Variants in COL2A1 observed in about 807,000 individuals in gnomAD.
The protein encoded by COL2A1 is collagen alpha-1(II) chain.
Under a neutral mutation model 204.5 loss-of-function variants are expected in COL2A1, and 28 were observed. The observed-to-expected ratio is 0.14, with a 90% CI of 0.10 to 0.19. COL2A1 has a LOEUF of 0.19. Ranked by LOEUF, COL2A1 falls within the 10% of genes least tolerant of loss-of-function variation. The probability of loss-of-function intolerance (pLI) is 1.00; values close to 1 mark genes in which losing one functional copy is unlikely to be tolerated. For synonymous variants in COL2A1, 708 were observed against 718.7 expected, an observed-to-expected ratio of 0.99 and a Z score of 0.24; for missense variants, 1,388 against 2,027.5, an observed-to-expected ratio of 0.68 and a Z score of 6.06.
rs41317913 is a variant in COL2A1 at position 47,987,591 on chromosome 12, C to G, written c.1221+20G>C. 1,150 of 1,601,088 alleles carry G rather than the reference C, an allele frequency of 7.2e-4. 6 individuals are homozygous for G. In the African/African-American group the frequency reaches 0.014, roughly 19 times the overall value. ...CCACAGACCCCAGACCCCCCCAGGC[C>G]AAAGAGAAGCTGCACTTACGGAGGC... On this transcript the variant is annotated intron_variant, in intron 19 of 53. Coordinates refer to ENST00000380518, the MANE Select transcript of COL2A1 (RefSeq NM_001844.5). This position sits in a 1 kb window ranked among gnomAD's most constrained non-coding sequence, Gnocchi z 4.1.
At chr12:47,977,695 G>T (rs958473926) in intron 44 of COL2A1, 42 bp from the exon 45 acceptor site, 12 of 1,602,006 alleles carry the variant, frequency 7.5e-6, no homozygotes, top group Middle Eastern at 1.7e-4. Flanking sequence ...GCTGCTTCCT[G>T]CCCATCTCCC....
At chr12:47,993,287 ATGT>A (rs1175620672) in intron 15 of COL2A1, among the ~76,000 whole-genome samples, 168 bp downstream of exon 15, 5 of 152,206 alleles carry the variant, frequency 3.3e-5, no homozygotes, top group Admixed American at 6.5e-5. Flanking sequence ...TCTTAAGGAA[ATGT>A]TGGTGAAATC....
intron 34 of COL2A1, 93 bp from the exon 35 acceptor site, chr12:47,982,253 C>T (rs1397990177): frequency 5.3e-6 from 6 of 1,135,246 alleles, no homozygotes; most frequent in Middle Eastern, 2.1e-4. Flanking sequence ...TAGGGAAAGC[C>T]CAGTCCCTGC....
intron 2 of COL2A1, 77 bp from the exon 3 acceptor site, chr12:47,998,508 A>C (rs943094519): frequency 1.7e-5 from 24 of 1,436,594 alleles, no homozygotes; most frequent in Non-Finnish European, 2.2e-5. Context: ...TCACTCAAAC[A>C]CTCATTAGAT....
chr12:47,986,787 T>C, intron 22 of COL2A1, 48 bp downstream of exon 22: 1 of 1,609,098 alleles, frequency 6.2e-7, no homozygotes, highest in Non-Finnish European at 8.5e-7. Flanking sequence ...GGCCTGTGCC[T>C]CATAGAACAG....
In COL2A1 at chr12:47,974,475, A is replaced by G. The variant is rs1378684557; in HGVS notation, c.4075-144T>C. On this transcript the variant is annotated intron_variant, in intron 52 of 53. Coordinates refer to ENST00000380518, the MANE Select transcript of COL2A1 (RefSeq NM_001844.5). ...GAGCTAGTTGGACATTTTTGCTTCC[A>G]GGAGTGGAGCAAGCTCAGAGGACCT... The G allele has an allele frequency of 6.9e-6, 9 of 1,301,920 alleles. No individual in the cohort carries two copies. The East Asian group carries it at 1.7e-4, about 24-fold the overall frequency. 80.6% of individuals were successfully genotyped at this position (1,301,920 alleles called of 1,614,324 possible).
At chr12:47,999,648 T>G in intron 2 of COL2A1, 1 of 195,626 alleles carries the variant, frequency 5.1e-6, no homozygotes, top group Non-Finnish European at 1.0e-5. Context: ...TTTTTTTTTT[T>G]TTTTTGTAGA....
intron 52 of COL2A1, 114 bp from the exon 53 acceptor site, chr12:47,974,445 G>T: frequency 7.0e-7 from 1 of 1,437,578 alleles, no homozygotes; most frequent in Non-Finnish European, 9.5e-7. Flanking sequence ...TACTGGGGCA[G>T]CAGGGAGCTA....
chr12:47,997,909 G>C lies in COL2A1; in HGVS notation c.391C>G (p.Gln131Glu). Residue 131 changes from glutamine (Q) to glutamate (E), a missense_variant, in exon 6 of 54, where the codon CAA becomes GAA. Around this residue, in one of 3 missense-constraint regions of COL2A1, gnomAD observed 201 missense variants for 242.4 expected, o/e 0.83. Coordinates refer to ENST00000380518, the MANE Select transcript of COL2A1 (RefSeq NM_001844.5). ...TCACCACGATCCCCTCTGGGTCCTTGTTCCCCTGCAGGTCCCTGAAGGTGA... is the reference window on the plus strand; with the variant it reads ...TCACCACGATCCCCTCTGGGTCCTTCTTCCCCTGCAGGTCCCTGAAGGTGA... ...PPGPQGPAGE[Q>E]GPRGDRGDKG... The C allele has an allele frequency of 6.2e-7, 1 of 1,614,142 alleles. No homozygotes were observed. Among genetic ancestry groups the C allele is most frequent in the Non-Finnish European group, 8.5e-7 (1 of 1,180,046 alleles).
At position 48,000,118 on chromosome 12, in the gene COL2A1, A is replaced by G. The variant is rs1471585375; in HGVS notation, c.93T>C (p.Ala31=). ...TCTGCCCATCCTGCACACAGCTGCCAGCCTCCTCTGCACCAAGGGTGGGGA... is the reference window on the plus strand; with the variant it reads ...TCTGCCCATCCTGCACACAGCTGCCGGCCTCCTCTGCACCAAGGGTGGGGA... ...LRCQGQDVQE[A]GSCVQDGQRY... Residue 31 remains alanine, a synonymous_variant, in exon 2 of 54, where the codon GCT becomes GCC. Transcript: ENST00000380518. 2 of 1,612,570 alleles carry G rather than the reference A, an allele frequency of 1.2e-6. No individual in the cohort carries two copies. The highest frequency in any genetic ancestry group is 3.3e-5 in the Admixed American group (2 of 59,956).
intron 11 of COL2A1, 127 bp downstream of exon 11, chr12:47,995,128 G>T: frequency 2.5e-6 from 2 of 809,300 alleles, no homozygotes; most frequent in Non-Finnish European, 4.4e-6. Context: ...CAGGGTTTGG[G>T]ACTGCCCAGT....
chr12:47,987,724 G>A lies in COL2A1; in HGVS notation c.1123-15C>T, dbSNP rs747151432. On this transcript the variant is annotated splice_polypyrimidine_tract_variant and intron_variant, in intron 18 of 53. Transcript: ENST00000380518. The surrounding 1 kb of genome is among the most constrained non-coding windows in gnomAD (Gnocchi z 4.1). ...CCGGCTTCACCCTGGGAAGAGACAG[G>A]GAGGATGAAATGAAGAAGAAGAGAG... 3 of 1,599,016 alleles carry A rather than the reference G, an allele frequency of 1.9e-6. No homozygotes were observed. The highest frequency in any genetic ancestry group is 4.5e-5 in the East Asian group (2 of 44,432).
intron 1 of COL2A1, chr12:48,002,712 G>A (rs1313782174): frequency 6.6e-6 from 1 of 152,286 alleles, no homozygotes; most frequent in Non-Finnish European, 1.5e-5. Flanking sequence ...GTGGGCGTGT[G>A]CTTGTAAATG....
At position 47,978,957 on chromosome 12, in the gene COL2A1, A is replaced by T. The variant is rs73297159; in HGVS notation, c.2734-199T>A. On this transcript the variant is annotated intron_variant, in intron 41 of 53. Coordinates refer to ENST00000380518, the MANE Select transcript of COL2A1 (RefSeq NM_001844.5). The surrounding 1 kb of genome is among the most constrained non-coding windows in gnomAD (Gnocchi z 5.5). ...CACCATGTGAGACAGCTCTGGGCAGACAGCCCCAACTTCTCCAGCTCCTGC... is the reference window on the plus strand; with the variant it reads ...CACCATGTGAGACAGCTCTGGGCAGTCAGCCCCAACTTCTCCAGCTCCTGC... 0.025 allele frequency among the ~76,000 whole-genome samples: 3,753 copies of T among 151,896 alleles called. 194 individuals are homozygous for T. Among genetic ancestry groups the T allele is most frequent in the African/African-American group, 0.085 (3,518 of 41,368 alleles).
chr12:48,005,829 G>A (rs1859443), upstream of COL2A1: 34,705 of 152,176 alleles, frequency 0.23, 4,924 homozygotes, highest in African/African-American at 0.4. Context: ...CCTAGAAGCT[G>A]AGAGCACTTG....
upstream of COL2A1, among the ~76,000 whole-genome samples, chr12:48,004,904 C>A (rs1017352087): frequency 1.3e-5 from 2 of 152,170 alleles, no homozygotes; most frequent in African/African-American, 4.8e-5. Flanking sequence ...GGAGGGAAAG[C>A]GGTAGAAAGG....
At chr12:47,977,068 G>GT (rs1296188652) in intron 47 of COL2A1, 34 bp downstream of exon 47, 1 of 1,592,948 alleles carries the variant, frequency 6.3e-7, no homozygotes, top group African/African-American at 1.3e-5. Context: ...CCTATCCCTG[G>GT]TGGGGACTCA....
chr12:48,003,025 T>A (rs1940308920), intron 1 of COL2A1: 1 of 152,220 alleles, frequency 6.6e-6, no homozygotes, highest in South Asian at 2.1e-4. Context: ...AGTTTCCCTC[T>A]GCGATTGATT....
chr12:47,975,709 ATGGG>A, intron 50 of COL2A1, 104 bp from the exon 51 acceptor site: 3 of 1,297,608 alleles, frequency 2.3e-6, no homozygotes, highest in East Asian at 2.5e-5. Flanking sequence ...TCCCAGCCCC[ATGGG>A]TGGGGCGGAG....
Sources: gnomAD v4.1 joint callset for allele counts (sites outside exome capture counted in the v4.1 genomes callset) on GRCh38, gnomAD v4.1.1 for gene constraint, gnomAD v4.1.1 regional missense constraint, Gnocchi (gnomAD v3.1) non-coding constraint, MANE v1.5 for transcripts, NCBI Gene and HGNC (gene_info 2026-07-23, HGNC 2026-07-21) for gene names.